The following NRXN3 variants were observed in gnomAD, a reference collection of about 807,000 sequenced individuals.
NRXN3 encodes neurexin III.
Under a neutral mutation model 137.6 loss-of-function variants are expected in NRXN3, and 32 were observed. That is an observed-to-expected ratio of 0.23 (90% confidence interval 0.18 to 0.31). The LOEUF is 0.31. Ranked by LOEUF, NRXN3 falls within the 10% of genes least tolerant of loss-of-function variation. The pLI is 1.00. For synonymous variants in NRXN3, 798 were observed against 784.5 expected (o/e 1.02, Z -0.29); for missense variants, 1,574 against 2,062.5 (o/e 0.76, Z 4.59).
At chr14:79,776,583 G>A (rs1568214251) in intron 19 of NRXN3, among the ~76,000 whole-genome samples, 1 of 152,118 alleles carries the variant, frequency 6.6e-6, no homozygotes, top group East Asian at 1.9e-4. Flanking sequence ...GTTCTGTATT[G>A]CCCTATAGTT....
intron 17 of NRXN3, among the ~76,000 whole-genome samples, chr14:79,665,291 G>A (rs574995453): frequency 3.9e-5 from 6 of 152,124 alleles, no homozygotes; most frequent in South Asian, 2.1e-4. Context: ...TTGCCATCTC[G>A]GTTTCCATAA....
At chr14:78,592,082 A>G (rs1372262916) in intron 4 of NRXN3, among the ~76,000 whole-genome samples, 2 of 152,198 alleles carry the variant, frequency 1.3e-5, no homozygotes, top group East Asian at 3.8e-4. Context: ...TTTTTTAAAC[A>G]GGTCTTGAAA....
At chr14:78,712,986 G>A (rs1308014713) in intron 7 of NRXN3, among the ~76,000 whole-genome samples, 1 of 152,220 alleles carries the variant, frequency 6.6e-6, no homozygotes, top group Admixed American at 6.5e-5. Context: ...CTGACTGATG[G>A]ATGGCATGAC....
At chr14:79,126,325 C>T (rs2056450599) in intron 15 of NRXN3, among the ~76,000 whole-genome samples, 1 of 148,540 alleles carries the variant, frequency 6.7e-6, no homozygotes, top group Admixed American at 6.7e-5. Flanking sequence ...TCCCTCCCCC[C>T]CGCCCCACCC....
At chr14:78,526,454 A>G (rs1472769242) in intron 4 of NRXN3, among the ~76,000 whole-genome samples, 1 of 152,222 alleles carries the variant, frequency 6.6e-6, no homozygotes, top group Non-Finnish European at 1.5e-5. Context: ...ACTATATTCC[A>G]GTGTGACATC....
rs61976005 is a variant in NRXN3 at position 78,268,323 on chromosome 14, A to G, written c.710-10322A>G. 9.6e-3 allele frequency among the ~76,000 whole-genome samples: 1,448 copies of G among 151,578 alleles called. 8 individuals carry two copies. Among genetic ancestry groups the G allele is most frequent in the Middle Eastern group, 0.024 (7 of 294 alleles). The stretch of plus-strand genomic sequence containing the variant: ...AGAACAACTGTTCACATCTTGCTGG[A>G]TGTTGTGATGTTGTATTTTTATGGA... On this transcript the variant is annotated intron_variant, in intron 2 of 20. Transcript: ENST00000335750.
intron 15 of NRXN3, among the ~76,000 whole-genome samples, chr14:79,058,908 C>T (rs1238807708): frequency 1.3e-5 from 2 of 152,164 alleles, no homozygotes; most frequent in African/African-American, 4.8e-5. Flanking sequence ...ATTCACCTTA[C>T]GCCGTGATTG....
In NRXN3 at chr14:79,712,382, TAAATA is replaced by T. The variant is rs1324730633; in HGVS notation, c.4014+14448_4014+14452del. Among the ~76,000 whole-genome samples the T allele has an allele frequency of 5.3e-5, 8 of 152,336 alleles. No individual in the cohort carries two copies. The East Asian group carries it at 1.5e-3, about 29-fold the overall frequency. ...CAGTAAAATTCTATCGCATTTCGAT[TAAATA>T]AATGTTCAGAGTTTGTTATTATGAC... On this transcript the variant is annotated intron_variant, in intron 19 of 20. Transcript: ENST00000335750.
chr14:79,797,936 AT>A (rs2099165938), intron 19 of NRXN3, among the ~76,000 whole-genome samples: 1 of 152,078 alleles, frequency 6.6e-6, no homozygotes. Flanking sequence ...CTACAAAAAA[AT>A]AAAAATAAAT....
intron 10 of NRXN3, among the ~76,000 whole-genome samples, chr14:78,827,261 T>A (rs1486179851): frequency 1.9e-4 from 22 of 115,738 alleles, no homozygotes; most frequent in African/African-American, 5.5e-4. Context: ...TTGGGCTAAC[T>A]GAGAGGACCG....
At chr14:78,977,401 T>C (rs2099471601) in intron 14 of NRXN3, among the ~76,000 whole-genome samples, 1 of 152,174 alleles carries the variant, frequency 6.6e-6, no homozygotes, top group Non-Finnish European at 1.5e-5. Context: ...TGAAACTCCT[T>C]CTCTCTCTCT....
At chr14:78,198,456 T>C (rs538930918) in intron 1 of NRXN3, among the ~76,000 whole-genome samples, 7 of 152,360 alleles carry the variant, frequency 4.6e-5, no homozygotes, top group Admixed American at 2.6e-4. Context: ...GTGGGGATTC[T>C]TAAGCTCAAA....
intron 1 of NRXN3, among the ~76,000 whole-genome samples, chr14:78,189,990 C>T (rs76963937): frequency 0.014 from 2,075 of 152,336 alleles, 22 homozygotes; most frequent in Non-Finnish European, 0.022. Flanking sequence ...ACGTGTTACA[C>T]ATGTGTTTAT....
At chr14:79,848,681 C>T (rs369428216) in intron 20 of NRXN3, among the ~76,000 whole-genome samples, 9 of 152,062 alleles carry the variant, frequency 5.9e-5, no homozygotes, top group Admixed American at 5.9e-4. Context: ...ATCAACAGCC[C>T]AAGATTCTCC....
chr14:79,225,162 GC>G, intron 15 of NRXN3, among the ~76,000 whole-genome samples: 1 of 152,320 alleles, frequency 6.6e-6, no homozygotes, highest in East Asian at 1.9e-4. Context: ...GCTCTTGGCA[GC>G]CGCCTGTTCC....
intron 15 of NRXN3, among the ~76,000 whole-genome samples, chr14:79,462,837 A>G (rs547218153): frequency 2.8e-4 from 43 of 151,716 alleles, no homozygotes; most frequent in African/African-American, 1.0e-3. Flanking sequence ...ATGCTTATGT[A>G]TATGTATATG....
At chr14:79,815,323 G>T (rs983380273) in intron 20 of NRXN3, among the ~76,000 whole-genome samples, 4 of 152,176 alleles carry the variant, frequency 2.6e-5, no homozygotes, top group African/African-American at 9.7e-5. Context: ...AGTAATAGGT[G>T]ATATATTAAT....
chr14:79,179,992 G>C (rs1453062162), intron 15 of NRXN3, among the ~76,000 whole-genome samples: 1 of 152,170 alleles, frequency 6.6e-6, no homozygotes, highest in African/African-American at 2.4e-5. Flanking sequence ...GAGGTATTTA[G>C]TCCAAATAGT....
chr14:78,536,566 G>A lies in NRXN3; in HGVS notation c.758-108554G>A, dbSNP rs147866794. On this transcript the variant is annotated intron_variant, in intron 4 of 20. Transcript: ENST00000335750. Reference sequence around the variant, plus strand: ...CTCTAGCTGGTCTGAGGCTTAATATGTAGATTGAAATAAACATGCCTGAGA... The same window carrying A: ...CTCTAGCTGGTCTGAGGCTTAATATATAGATTGAAATAAACATGCCTGAGA... Among the ~76,000 whole-genome samples the A allele has an allele frequency of 6.5e-3, 981 of 151,900 alleles. 8 individuals are homozygous for A. Among genetic ancestry groups the A allele is most frequent in the African/African-American group, 0.022 (931 of 41,430 alleles).
Sources: allele counts gnomAD v4.1 joint callset (sites outside exome capture counted in the v4.1 genomes callset), GRCh38; gene constraint gnomAD v4.1.1; transcripts MANE v1.5; gene names NCBI Gene and HGNC (gene_info 2026-07-23, HGNC 2026-07-21).